CPZ: variants seen among roughly 807,000 people sequenced by gnomAD.
The protein encoded by CPZ is VEZT/CPZ fusion.
Under a neutral mutation model 61.8 loss-of-function variants are expected in CPZ, and 103 were observed. The observed-to-expected ratio is 1.67, with a 90% CI of 1.42 to 1.96. CPZ has a LOEUF of 1.96. CPZ is among the 30% of genes most tolerant of loss of function. The pLI is 0.00. For missense variants in CPZ, 1,461 were observed against 914.9 expected, an observed-to-expected ratio of 1.60 and a Z score of -7.70; for synonymous variants, 551 against 373.7, an observed-to-expected ratio of 1.47 and a Z score of -5.47.
intron 4 of CPZ, among the ~76,000 whole-genome samples, chr4:8,605,556 CATT>C (rs1577114617): frequency 6.8e-6 from 1 of 147,736 alleles, no homozygotes. Flanking sequence ...ATTCATCCAT[CATT>C]GATATATCTA....
At position 8,609,260 on chromosome 4, in the gene CPZ, T is replaced by G. The variant is rs574017589; in HGVS notation, c.1227+1835T>G. ...CACTCATTCACTCATCACTCACTCATTCTCTTATTCATTCACACACTAATT... is the reference window on the plus strand; with the variant it reads ...CACTCATTCACTCATCACTCACTCAGTCTCTTATTCATTCACACACTAATT... On this transcript the variant is annotated intron_variant, in intron 7 of 10. Coordinates refer to ENST00000360986, the MANE Select transcript of CPZ (RefSeq NM_001014447.3). Among the ~76,000 whole-genome samples the G allele has an allele frequency of 6.6e-5, 10 of 151,292 alleles. No individual in the cohort carries two copies. In the South Asian group the frequency reaches 2.1e-3, roughly 32 times the overall value.
rs777126586 is a variant in CPZ, at chr4:8,614,348, CTG to C, written c.1364-8_1364-7del. The C allele has an allele frequency of 1.2e-6, 2 of 1,611,178 alleles. No homozygotes were observed. The highest frequency in any genetic ancestry group is 1.3e-5 in the African/African-American group (1 of 74,726). On this transcript the variant is annotated splice_polypyrimidine_tract_variant and intron_variant, in intron 8 of 10. Transcript: ENST00000360986. ...GACACCCCTGACGTCCCCGCTGTCTCTGTGCCACAGGCATGTCCGATTTCAAC... is the reference window on the plus strand; with the variant it reads ...GACACCCCTGACGTCCCCGCTGTCTCTGCCACAGGCATGTCCGATTTCAAC...
chr4:8,616,828 T>C (rs1466966325), intron 9 of CPZ, among the ~76,000 whole-genome samples: 2 of 152,162 alleles, frequency 1.3e-5, no homozygotes, highest in Non-Finnish European at 2.9e-5. Flanking sequence ...GGAGTGCGGT[T>C]CCATTAAGCA....
chr4:8,609,887 G>A (rs1053883638), intron 7 of CPZ, among the ~76,000 whole-genome samples: 1 of 152,214 alleles, frequency 6.6e-6, no homozygotes, highest in Admixed American at 6.5e-5. Context: ...GAGAGGGGCT[G>A]GCTGGGGTGT....
In CPZ at chr4:8,606,031, A is replaced by G. The variant is rs1421271412; in HGVS notation, c.752A>G (p.Glu251Gly). ...VKLIGNIHGN[E>G]VAGREMLIYL... Reference sequence around the variant, plus strand: ...CTCATCGGCAACATTCATGGCAACGAGGTGGCGGGCCGGGAGATGCTCATC... The same window carrying G: ...CTCATCGGCAACATTCATGGCAACGGGGTGGCGGGCCGGGAGATGCTCATC... The change falls in exon 5 of 11, where the codon GAG (glutamate) becomes GGG (glycine). Residue 251 changes from glutamate to glycine, a missense_variant. Physicochemically the swap from Glu to Gly is moderately conservative, Grantham distance 98 (BLOSUM62 -2). Coordinates refer to ENST00000360986, the MANE Select transcript of CPZ (RefSeq NM_001014447.3). The G allele has an allele frequency of 6.2e-7, 1 of 1,614,124 alleles. No individual in the cohort carries two copies. The highest frequency in any genetic ancestry group is 1.7e-5 in the Admixed American group (1 of 60,018).
chr4:8,614,334 C>G (rs748272506), intron 8 of CPZ, 25 bp from the exon 9 acceptor site: 2 of 1,603,440 alleles, frequency 1.2e-6, no homozygotes, highest in Non-Finnish European at 1.7e-6. Context: ...ACACCCCTGA[C>G]GTCCCCGCTG....
intron 1 of CPZ, chr4:8,597,698 C>G (rs1312461135): frequency 2.0e-5 from 3 of 152,266 alleles, no homozygotes; most frequent in Non-Finnish European, 2.9e-5. Context: ...CTCAGCACAG[C>G]AGGGCTCCTG....
chr4:8,600,982 T>C (rs1283439647), intron 2 of CPZ, 141 bp from the exon 3 acceptor site: 14 of 1,411,820 alleles, frequency 9.9e-6, no homozygotes, highest in Non-Finnish European at 1.3e-5. Flanking sequence ...CAGTAGCTGT[T>C]GTCCTGGTCC....
chr4:8,593,100 C>T (rs1713917812), intron 1 of CPZ, among the ~76,000 whole-genome samples, 179 bp downstream of exon 1: 1 of 152,194 alleles, frequency 6.6e-6, no homozygotes, highest in Non-Finnish European at 1.5e-5. Context: ...TGACCTCTCC[C>T]CTGGACGGGG....
intron 1 of CPZ, among the ~76,000 whole-genome samples, chr4:8,594,395 A>T (rs1306272940): frequency 6.6e-6 from 1 of 152,144 alleles, no homozygotes; most frequent in East Asian, 1.9e-4. Context: ...CCCTGGTGGA[A>T]GATTCCCTGT....
Position 8,614,087 on chromosome 4 carries a change from C to G in CPZ, c.1364-272C>G, listed in dbSNP as rs564435276. Among the ~76,000 whole-genome samples the G allele has an allele frequency of 1.8e-3, 269 of 152,378 alleles. 1 individual carries two copies. Among genetic ancestry groups the G allele is most frequent in the African/African-American group, 6.1e-3 (252 of 41,600 alleles). On this transcript the variant is annotated intron_variant, in intron 8 of 10. Coordinates refer to ENST00000360986, the MANE Select transcript of CPZ (RefSeq NM_001014447.3). ...TTCCCATTGCGGGACCCTTAAATGC[C>G]TCATGCCGCCATCTGCGGATCTGCA... is the stretch of plus-strand genomic sequence containing the variant.
intron 7 of CPZ, chr4:8,611,315 A>C: frequency 2.2e-6 from 1 of 454,128 alleles, no homozygotes; most frequent in Non-Finnish European, 4.4e-6. Context: ...ACAAAGGAGG[A>C]TCTGTGGACT....
intron 1 of CPZ, chr4:8,597,708 G>A (rs549677618): frequency 6.6e-6 from 1 of 152,370 alleles, no homozygotes; most frequent in South Asian, 2.1e-4. Flanking sequence ...CAGGGCTCCT[G>A]CAGCTTGTCT....
intron 1 of CPZ, chr4:8,597,634 C>A (rs1303374396): frequency 6.6e-6 from 1 of 152,286 alleles, no homozygotes; most frequent in Admixed American, 6.5e-5. Context: ...GTTAGGGCCG[C>A]CCCACTCCCA....
At chr4:8,605,963 C>T (rs778587239) in intron 4 of CPZ, 26 bp from the exon 5 acceptor site, 1 of 1,602,608 alleles carries the variant, frequency 6.2e-7, no homozygotes, top group Non-Finnish European at 8.5e-7. Context: ...TGAGATGATG[C>T]CCCAAGTCTC....
At position 8,619,481 on chromosome 4, in the gene CPZ, G is replaced by C. The variant is rs1351795298; in HGVS notation, c.1823G>C (p.Ser608Thr). The change falls in exon 11 of 11, where the codon AGC (serine) becomes ACC (threonine). Residue 608 changes from serine (S) to threonine (T), a missense_variant. Coordinates refer to ENST00000360986, the MANE Select transcript of CPZ (RefSeq NM_001014447.3). ...TGPHDPLGGA[S>T]SLGEATEPDP... is the part of the protein sequence containing the mutation. Reference sequence around the variant, plus strand: ...CCCCACGACCCACTGGGAGGTGCCAGCTCTTTGGGGGAGGCCACGGAGCCC... The same window carrying C: ...CCCCACGACCCACTGGGAGGTGCCACCTCTTTGGGGGAGGCCACGGAGCCC... 1 of 1,609,214 alleles carries C rather than the reference G, an allele frequency of 6.2e-7. No individual in the cohort carries two copies. The highest frequency in any genetic ancestry group is 1.3e-5 in the African/African-American group (1 of 74,802).
intron 3 of CPZ, chr4:8,601,872 T>G: frequency 5.3e-6 from 1 of 189,478 alleles, no homozygotes; most frequent in Non-Finnish European, 1.1e-5. Context: ...GGGGGTCCAG[T>G]CCTCAGCCAC....
chr4:8,606,982 C>A (rs1056799508), intron 6 of CPZ, 84 bp downstream of exon 6: 1 of 1,447,944 alleles, frequency 6.9e-7, no homozygotes, highest in African/African-American at 1.4e-5. Context: ...AGTTGTCCTT[C>A]CCTGGGGACA....
chr4:8,610,265 G>A (rs896997410), intron 7 of CPZ, among the ~76,000 whole-genome samples: 4 of 152,212 alleles, frequency 2.6e-5, no homozygotes, highest in East Asian at 3.9e-4. Flanking sequence ...CCTCTGGACC[G>A]ACAGCTCCTC....
Sources: gnomAD v4.1 joint callset for allele counts (sites outside exome capture counted in the v4.1 genomes callset) on GRCh38, gnomAD v4.1.1 for gene constraint, MANE v1.5 for transcripts, NCBI Gene and HGNC (gene_info 2026-07-23, HGNC 2026-07-21) for gene names.